Variants in XKR6 observed in about 807,000 individuals in gnomAD.
XKR6 encodes the protein XK-related protein 6.
A neutral mutation model predicts 56.7 loss-of-function variants in XKR6; 22 were observed. The observed-to-expected ratio is 0.39, with a 90% confidence interval of 0.28 to 0.55. The LOEUF is 0.55. XKR6 is among the 20% of genes least tolerant of loss of function. The probability of loss-of-function intolerance (pLI) is 0.66; values close to 1 mark genes in which losing one functional copy is unlikely to be tolerated. For synonymous variants in XKR6, 524 were observed against 387.8 expected, an observed-to-expected ratio of 1.35 and a Z score of -4.13; for missense variants, 852 against 889.0, an observed-to-expected ratio of 0.96 and a Z score of 0.53.
At chr8:11,070,664 C>G (rs1408563607) in intron 1 of XKR6, among the ~76,000 whole-genome samples, 1 of 152,190 alleles carries the variant, frequency 6.6e-6, no homozygotes, top group East Asian at 1.9e-4. Context: ...AATGATTCCT[C>G]ACATTTACAT....
intron 1 of XKR6, among the ~76,000 whole-genome samples, chr8:11,036,337 A>T (rs1799142566): frequency 6.6e-6 from 1 of 152,238 alleles, no homozygotes; most frequent in Non-Finnish European, 1.5e-5. Flanking sequence ...TTCATGTCTC[A>T]GATGAGAGGT....
At chr8:11,082,080 CAG>C (rs1220160270) in intron 1 of XKR6, among the ~76,000 whole-genome samples, 2 of 152,216 alleles carry the variant, frequency 1.3e-5, no homozygotes, top group African/African-American at 4.8e-5. Flanking sequence ...GCTTTGCAGA[CAG>C]AGACTCACCT....
chr8:10,956,453 C>A (rs1801891330), intron 1 of XKR6, among the ~76,000 whole-genome samples: 1 of 152,158 alleles, frequency 6.6e-6, no homozygotes, highest in African/African-American at 2.4e-5. Context: ...TAGAGAGGTT[C>A]CCCAAGAAGG....
chr8:11,015,054 A>G (rs1798587065), intron 1 of XKR6, among the ~76,000 whole-genome samples: 1 of 152,224 alleles, frequency 6.6e-6, no homozygotes, highest in South Asian at 2.1e-4. Context: ...GTTCCCTCAG[A>G]TTCCCAGAAC....
chr8:11,101,685 G>C (rs1798490558), intron 1 of XKR6, among the ~76,000 whole-genome samples: 1 of 152,148 alleles, frequency 6.6e-6, no homozygotes, highest in South Asian at 2.1e-4. Context: ...GATGGAAGTG[G>C]CCTCTCCTGT....
chr8:10,954,604 G>C (rs1429473986), intron 1 of XKR6, among the ~76,000 whole-genome samples: 1 of 152,108 alleles, frequency 6.6e-6, no homozygotes, highest in Non-Finnish European at 1.5e-5. Context: ...CATTCTATGG[G>C]TTGTCTTTTC....
chr8:11,008,069 A>G (rs1798412367), intron 1 of XKR6, among the ~76,000 whole-genome samples: 2 of 152,292 alleles, frequency 1.3e-5, no homozygotes, highest in African/African-American at 4.8e-5. Flanking sequence ...CACAGGGGCA[A>G]GGCAGTGAAG....
At chr8:11,154,601 G>A (rs1281334527) in intron 1 of XKR6, among the ~76,000 whole-genome samples, 1 of 152,212 alleles carries the variant, frequency 6.6e-6, no homozygotes, top group Non-Finnish European at 1.5e-5. Flanking sequence ...CTTGCAGTTG[G>A]TGTGAGAAGT....
intron 1 of XKR6, among the ~76,000 whole-genome samples, chr8:11,163,644 C>T (rs1441296353): frequency 1.3e-5 from 2 of 152,202 alleles, no homozygotes; most frequent in Non-Finnish European, 2.9e-5. Context: ...AGGAATAGAA[C>T]GCATTGCTTT....
chr8:10,923,434 C>T (rs909417242), intron 2 of XKR6, among the ~76,000 whole-genome samples: 6 of 152,192 alleles, frequency 3.9e-5, no homozygotes, highest in African/African-American at 1.2e-4. Flanking sequence ...ATAGGACAGG[C>T]GAGCCTGTCA....
chr8:11,154,536 A>G (rs1586624848), intron 1 of XKR6, among the ~76,000 whole-genome samples: 2 of 152,178 alleles, frequency 1.3e-5, no homozygotes, highest in African/African-American at 2.4e-5. Context: ...AGTGAGTTCT[A>G]TGAGTCCTTC....
intron 1 of XKR6, among the ~76,000 whole-genome samples, chr8:11,183,259 G>C (rs1398477040): frequency 6.6e-6 from 1 of 152,102 alleles, no homozygotes; most frequent in Admixed American, 6.5e-5. Context: ...GTAATTCCAT[G>C]TTTACTTTTT....
intron 1 of XKR6, chr8:11,106,178 C>G (rs1798668169): frequency 6.6e-6 from 1 of 152,062 alleles, no homozygotes; most frequent in South Asian, 2.1e-4. Flanking sequence ...GTAATACATA[C>G]CTGGATAGTC....
intron 1 of XKR6, among the ~76,000 whole-genome samples, chr8:11,000,562 G>A (rs1798214976): frequency 6.6e-6 from 1 of 152,154 alleles, no homozygotes; most frequent in Admixed American, 6.5e-5. Context: ...GCACACGCCT[G>A]TAGTCCCAGC....
intron 1 of XKR6, among the ~76,000 whole-genome samples, chr8:11,085,936 C>T (rs1352756596): frequency 6.6e-6 from 1 of 152,024 alleles, no homozygotes; most frequent in African/African-American, 2.4e-5. Context: ...ATCTGCATTT[C>T]CACCAACTTC....
intron 1 of XKR6, among the ~76,000 whole-genome samples, chr8:11,062,396 G>T (rs1370532562): frequency 6.6e-6 from 1 of 152,170 alleles, no homozygotes; most frequent in East Asian, 1.9e-4. Flanking sequence ...GCCTTTATTT[G>T]TATGTTCCTT....
intron 1 of XKR6, among the ~76,000 whole-genome samples, chr8:10,930,160 G>C (rs531043172): frequency 6.6e-5 from 10 of 152,308 alleles, no homozygotes; most frequent in East Asian, 3.9e-4. Context: ...TAGAAAATAA[G>C]TGATTTCTAC....
chr8:10,947,200 A>AGTG (rs1801577613), intron 1 of XKR6, among the ~76,000 whole-genome samples: 1 of 152,192 alleles, frequency 6.6e-6, no homozygotes, highest in African/African-American at 2.4e-5. Flanking sequence ...CATAGCTCTC[A>AGTG]GTGGCAGAGG....
At chr8:11,069,172 A>G (rs1009942398) in intron 1 of XKR6, among the ~76,000 whole-genome samples, 1 of 152,080 alleles carries the variant, frequency 6.6e-6, no homozygotes, top group African/African-American at 2.4e-5. Flanking sequence ...TTAATGGGAT[A>G]AAGAGTAGAG....
Sources: gnomAD v4.1 joint callset for allele counts (sites outside exome capture counted in the v4.1 genomes callset) on GRCh38, gnomAD v4.1.1 for gene constraint, MANE v1.5 for transcripts, NCBI Gene and HGNC (gene_info 2026-07-23, HGNC 2026-07-21) for gene names.